The following TREM1 variants were observed in gnomAD, a reference collection of about 807,000 sequenced individuals.
TREM1 encodes the protein triggering receptor expressed on myeloid cells 1, also known as triggering receptor expressed on monocytes 1.
A neutral mutation model predicts 22.4 loss-of-function variants in TREM1; 16 were observed. That is an observed-to-expected ratio of 0.71 (90% CI 0.48 to 1.08). TREM1 has a LOEUF of 1.08. Ranked by LOEUF, TREM1 falls within the 50% of genes least tolerant of loss-of-function variation. The pLI is 0.00. For synonymous variants in TREM1, 110 were observed against 111.6 expected (o/e 0.99, Z 0.09); for missense variants, 283 against 282.9 (o/e 1.00, Z 0.00).
In TREM1 at chr6:41,275,700, C is replaced by T. The variant is rs190638710; in HGVS notation, c.*425G>A. 54 of 162,798 alleles carry T rather than the reference C, an allele frequency of 3.3e-4. No homozygotes were observed. The East Asian group carries it at 5.6e-3, about 17-fold the overall frequency. 10.1% of individuals were successfully genotyped at this position (162,798 alleles called of 1,614,324 possible). On this transcript the variant is annotated 3_prime_UTR_variant, in exon 4 of 4. Coordinates refer to ENST00000244709, the MANE Select transcript of TREM1 (RefSeq NM_018643.5). ...AGAAAGAGGAAGTCCCAGCATGGGG[C>T]GAGCAGGATGCTTCTGTAGTGGGAG...
intron 3 of TREM1, among the ~76,000 whole-genome samples, chr6:41,277,828 C>G (rs1343730212): frequency 6.6e-6 from 1 of 151,814 alleles, no homozygotes; most frequent in African/African-American, 2.4e-5. Flanking sequence ...GACACGCTTG[C>G]TTGGCTTCCT....
chr6:41,286,550 G>A lies in TREM1; in HGVS notation c.49+57C>T, dbSNP rs1768178075. The A allele has an allele frequency of 1.9e-6, 3 of 1,594,186 alleles. No homozygotes were observed. In the East Asian group the frequency reaches 6.7e-5, roughly 36 times the overall value. On this transcript the variant is annotated intron_variant, in intron 1 of 3. Coordinates refer to ENST00000244709, the MANE Select transcript of TREM1 (RefSeq NM_018643.5). ...TGCTCTGAAGCTTCAACAGAAAAGGGCTCCCCGAGATCCTGGACCAAACGC... is the reference window on the plus strand; with the variant it reads ...TGCTCTGAAGCTTCAACAGAAAAGGACTCCCCGAGATCCTGGACCAAACGC...
chr6:41,277,263 C>A (rs1026256439), intron 3 of TREM1, among the ~76,000 whole-genome samples: 1 of 152,026 alleles, frequency 6.6e-6, no homozygotes, highest in Non-Finnish European at 1.5e-5. Context: ...CTGAAATCCA[C>A]CCCCATTCAA....
At chr6:41,280,461 G>C in intron 3 of TREM1, 2 of 1,006,076 alleles carry the variant, frequency 2.0e-6, no homozygotes, top group Non-Finnish European at 2.4e-6. Flanking sequence ...ACTGCATTTA[G>C]CCCCAGCTCC....
rs114773175 is a variant in TREM1, at chr6:41,284,463, G to C, written c.50-1712C>G. Among the ~76,000 whole-genome samples, 270 of 152,252 alleles carry C rather than the reference G, an allele frequency of 1.8e-3. 1 individual carries two copies. Among genetic ancestry groups the C allele is most frequent in the African/African-American group, 6.3e-3 (262 of 41,536 alleles). ...TCCAAGGGAGCCTTGCTGATGGGAG[G>C]CCAAGCAGAGCGGAAGTGAGAAGAC... On this transcript the variant is annotated intron_variant, in intron 1 of 3. Coordinates refer to ENST00000244709, the MANE Select transcript of TREM1 (RefSeq NM_018643.5).
rs78563441 is a variant in TREM1, at chr6:41,268,063, T to G, written c.625A>C (p.Arg209=). 215 of 398,666 alleles carry G rather than the reference T, an allele frequency of 5.4e-4. 1 individual carries two copies. The East Asian group carries it at 6.5e-3, about 12-fold the overall frequency. 24.7% of individuals were successfully genotyped at this position (398,666 alleles called of 1,614,324 possible). ...GGATGGGATTCCACATCCAGCCTTCTGATGCCAAATGTCATGCTCTTTTCC... is the reference window on the plus strand; with the variant it reads ...GGATGGGATTCCACATCCAGCCTTCGGATGCCAAATGTCATGCTCTTTTCC... The change falls in exon 4 of 4, where the codon AGA becomes CGA. Residue 209 remains arginine (R), a synonymous_variant. Transcript: ENST00000589614.
downstream of TREM1, among the ~76,000 whole-genome samples, chr6:41,272,849 G>C (rs1025536228): frequency 6.6e-6 from 1 of 152,174 alleles, no homozygotes; most frequent in Admixed American, 6.5e-5. Context: ...GCGTCTCCTT[G>C]GATCCTGTCA....
At chr6:41,277,188 A>C (rs1449288117) in intron 3 of TREM1, among the ~76,000 whole-genome samples, 3 of 152,216 alleles carry the variant, frequency 2.0e-5, no homozygotes, top group African/African-American at 7.2e-5. Context: ...TTAAAACCAC[A>C]TGCACAAACT....
At chr6:41,268,678 T>C (rs1425316687), downstream of TREM1, among the ~76,000 whole-genome samples, 1 of 152,166 alleles carries the variant, frequency 6.6e-6, no homozygotes, top group Non-Finnish European at 1.5e-5. Context: ...TCACTAAGTA[T>C]GATCAAGGCA....
chr6:41,282,569 G>A lies in TREM1; in HGVS notation c.232C>T (p.His78Tyr), dbSNP rs139837495. The change falls in exon 2 of 4, where the codon CAT (histidine) becomes TAT (tyrosine). Residue 78 changes from histidine to tyrosine, a missense_variant. By Grantham distance (83) the His-to-Tyr change is moderately conservative. Coordinates refer to ENST00000244709, the MANE Select transcript of TREM1 (RefSeq NM_018643.5). ...ACTERPSKNS[H>Y]PVQVGRIILE... ...ATGATCCTCCCCACTTGGACTGGAT[G>A]GGAATTCTTTGAAGGCCTCTCTGTG... The A allele has an allele frequency of 6.2e-7, 1 of 1,614,082 alleles. No individual in the cohort carries two copies. The highest frequency in any genetic ancestry group is 1.3e-5 in the African/African-American group (1 of 74,924).
chr6:41,269,738 G>A (rs1258230516), downstream of TREM1: 1 of 152,194 alleles, frequency 6.6e-6, no homozygotes, highest in Non-Finnish European at 1.5e-5. Context: ...CAGGTCCCCT[G>A]GTTTCAGGCC....
At chr6:41,283,346 T>C (rs1768014030) in intron 1 of TREM1, among the ~76,000 whole-genome samples, 1 of 152,146 alleles carries the variant, frequency 6.6e-6, no homozygotes, top group African/African-American at 2.4e-5. Context: ...AACGATCCTG[T>C]GTGGCTCTAC....
intron 1 of TREM1, among the ~76,000 whole-genome samples, chr6:41,284,483 G>A (rs7742256): frequency 0.022 from 3,333 of 152,218 alleles, 115 homozygotes; most frequent in African/African-American, 0.074. Context: ...GCGGAAGTGA[G>A]AAGACCAAGG....
At position 41,284,478 on chromosome 6, in the gene TREM1, A is replaced by T. The variant is rs544116779; in HGVS notation, c.50-1727T>A. Among the ~76,000 whole-genome samples, 4 of 152,266 alleles carry T rather than the reference A, an allele frequency of 2.6e-5. 1 individual carries two copies. The South Asian group carries it at 8.3e-4, about 32-fold the overall frequency. On this transcript the variant is annotated intron_variant, in intron 1 of 3. Transcript: ENST00000244709. ...CTGATGGGAGGCCAAGCAGAGCGGA[A>T]GTGAGAAGACCAAGGTCCGTGTTTT...
intron 1 of TREM1, among the ~76,000 whole-genome samples, chr6:41,283,261 T>C (rs1454695838): frequency 2.0e-5 from 3 of 152,172 alleles, no homozygotes; most frequent in Non-Finnish European, 4.4e-5. Context: ...CTGGAGGGCA[T>C]GATGGGCATG....
At chr6:41,278,266 A>T (rs1581628326) in intron 3 of TREM1, among the ~76,000 whole-genome samples, 1 of 152,028 alleles carries the variant, frequency 6.6e-6, no homozygotes, top group East Asian at 1.9e-4. Context: ...GCTTCTGGGG[A>T]AACTACCTAG....
intron 3 of TREM1, among the ~76,000 whole-genome samples, chr6:41,278,946 C>A (rs1416869207): frequency 6.6e-6 from 1 of 152,112 alleles, no homozygotes; most frequent in Non-Finnish European, 1.5e-5. Flanking sequence ...AAAAGGAAAA[C>A]TCCTGGGGCT....
intron 1 of TREM1, among the ~76,000 whole-genome samples, chr6:41,283,365 C>T (rs1768014787): frequency 6.6e-6 from 1 of 152,156 alleles, no homozygotes; most frequent in Admixed American, 6.5e-5. Context: ...ACTGTTGGGG[C>T]AGCCCACATT....
chr6:41,271,392 T>C (rs1367812609), downstream of TREM1, among the ~76,000 whole-genome samples: 3 of 152,202 alleles, frequency 2.0e-5, no homozygotes, highest in Non-Finnish European at 4.4e-5. Flanking sequence ...ACATAGAGTG[T>C]GGCTGAGACA....
Sources: gnomAD v4.1 joint callset for allele counts (sites outside exome capture counted in the v4.1 genomes callset) on GRCh38, gnomAD v4.1.1 for gene constraint, MANE v1.5 for transcripts, NCBI Gene and HGNC (gene_info 2026-07-23, HGNC 2026-07-21) for gene names.